INTS3: variants seen among roughly 807,000 people sequenced by gnomAD.
The protein encoded by INTS3 is SOSS complex subunit A.
Under a neutral mutation model 146.3 loss-of-function variants are expected in INTS3, and 34 were observed. The ratio of observed to expected loss-of-function variants is 0.23; its 90% CI spans 0.18 to 0.31. INTS3 has a LOEUF of 0.31. Ranked by LOEUF, INTS3 falls within the 10% of genes least tolerant of loss-of-function variation. The probability of loss-of-function intolerance (pLI) is 1.00; values close to 1 mark genes in which losing one functional copy is unlikely to be tolerated. For synonymous variants in INTS3, 475 were observed against 494.9 expected, an observed-to-expected ratio of 0.96 and a Z score of 0.53; for missense variants, 757 against 1,304.2, an observed-to-expected ratio of 0.58 and a Z score of 6.46.
At chr1:153,751,271 A>C in intron 7 of INTS3, 32 bp downstream of exon 7, 1 of 1,609,988 alleles carries the variant, frequency 6.2e-7, no homozygotes, top group African/African-American at 1.3e-5. Context: ...AATGTGGGGA[A>C]GTGAGACTCA....
At chr1:153,762,977 T>A in intron 15 of INTS3, 130 bp downstream of exon 15, 1 of 1,239,688 alleles carries the variant, frequency 8.1e-7, no homozygotes, top group Non-Finnish European at 1.1e-6. Flanking sequence ...ACAGGGTATC[T>A]GGATGAGACT....
In INTS3 at chr1:153,771,931, C is replaced by A; in HGVS notation, c.2688C>A (p.Ile896=). Residue 896 remains isoleucine (I), a synonymous_variant, in exon 26 of 30, where the codon ATC becomes ATA. Transcript: ENST00000318967. ...LLAEHIKSLL[I]KNNSLPRKRQ... ...CCGAGCACATCAAGTCCCTGCTCAT[C>A]AAGAACAACAGCCTGCCTCGCAAGA... 1 of 1,613,904 alleles carries A rather than the reference C, an allele frequency of 6.2e-7. No homozygotes were observed. Among genetic ancestry groups the A allele is most frequent in the Non-Finnish European group, 8.5e-7 (1 of 1,179,934 alleles).
chr1:153,739,595 A>G (rs1231248588), intron 1 of INTS3, among the ~76,000 whole-genome samples: 2 of 151,952 alleles, frequency 1.3e-5, no homozygotes, highest in African/African-American at 4.8e-5. Context: ...CGGCCTCCCA[A>G]AGTGCTGGGA....
chr1:153,735,516 A>G (rs1671252261), intron 1 of INTS3, among the ~76,000 whole-genome samples: 1 of 152,070 alleles, frequency 6.6e-6, no homozygotes, highest in Non-Finnish European at 1.5e-5. Context: ...TTTCCTCTCC[A>G]TTGATTCAGC....
chr1:153,758,293 C>G (rs1570867330), intron 10 of INTS3, among the ~76,000 whole-genome samples: 2 of 152,216 alleles, frequency 1.3e-5, no homozygotes, highest in East Asian at 3.8e-4. Flanking sequence ...TCCTCCTCCC[C>G]CATTTGACTG....
rs776285492 is a variant in INTS3 at position 153,746,963 on chromosome 1, C to T, written c.325C>T (p.Arg109Trp). The T allele has an allele frequency of 3.1e-6, 5 of 1,610,366 alleles. No individual in the cohort carries two copies. The highest frequency in any genetic ancestry group is 1.1e-5 in the South Asian group (1 of 90,920). ...CAAACTTTACTTCTCACAGTGTTACCGGGACTTAGCTCTGGTGAGTCGTGA... is the reference window on the plus strand; with the variant it reads ...CAAACTTTACTTCTCACAGTGTTACTGGGACTTAGCTCTGGTGAGTCGTGA... ...TEPAQAQKCY[R>W]DLALVSRDGM... Residue 109 changes from arginine (R) to tryptophan (W), a missense_variant, in exon 4 of 30, where the codon CGG (arginine) becomes TGG (tryptophan). By Grantham distance (101) the Arg-to-Trp change is moderately radical. Coordinates refer to ENST00000318967, the MANE Select transcript of INTS3 (RefSeq NM_023015.5).
At chr1:153,762,542 G>T (rs1192455367) in intron 14 of INTS3, among the ~76,000 whole-genome samples, 186 bp from the exon 15 acceptor site, 1 of 152,212 alleles carries the variant, frequency 6.6e-6, no homozygotes, top group African/African-American at 2.4e-5. Flanking sequence ...ACATCCCTCT[G>T]CAGGTCATGG....
rs1491428244 is a variant in INTS3 at position 153,731,577 on chromosome 1, C to CTTTT, written c.150+2794_150+2795insTTTT. 6.0e-4 allele frequency among the ~76,000 whole-genome samples: 78 copies of CTTTT among 129,248 alleles called. 10 individuals are homozygous for CTTTT. The highest frequency in any genetic ancestry group is 7.5e-4 in the South Asian group (3 of 4,024). 84.8% of individuals were successfully genotyped at this position (129,248 alleles called of 152,430 possible). On this transcript the variant is annotated intron_variant, in intron 1 of 29. Coordinates refer to ENST00000318967, the MANE Select transcript of INTS3 (RefSeq NM_023015.5). ...TGAAAGTGGGAGGCCCAAGAGCGTC[C>CTTTT]TCTTTTTTTTTTTTTTTTTTTTTGA... is the stretch of plus-strand genomic sequence containing the variant.
chr1:153,759,808 A>T (rs1672306283), intron 11 of INTS3, 195 bp downstream of exon 11: 1 of 587,358 alleles, frequency 1.7e-6, no homozygotes, highest in Admixed American at 3.1e-5. Flanking sequence ...CCATCACTGT[A>T]CCTCCTCCCC....
intron 21 of INTS3, 25 bp downstream of exon 21, chr1:153,767,852 G>GC (rs1558008660): frequency 6.3e-7 from 1 of 1,577,612 alleles, no homozygotes; most frequent in Admixed American, 1.7e-5. Context: ...CCGTATCTGT[G>GC]CCGGGGGGCT....
intron 20 of INTS3, 58 bp from the exon 21 acceptor site, chr1:153,767,616 A>G: frequency 6.7e-7 from 1 of 1,491,546 alleles, no homozygotes; most frequent in Non-Finnish European, 9.0e-7. Flanking sequence ...TGCTTCGGGG[A>G]TGCTTGAAGG....
intron 13 of INTS3, chr1:153,761,327 A>G (rs1047110041): frequency 2.0e-5 from 10 of 495,222 alleles, no homozygotes; most frequent in Admixed American, 3.7e-5. Context: ...CCTGGCCAAC[A>G]TGGCAAAACC....
At position 153,748,853 on chromosome 1, in the gene INTS3, C is replaced by T. The variant is rs546129934; in HGVS notation, c.584+98C>T. On this transcript the variant is annotated intron_variant, in intron 6 of 29. Transcript: ENST00000318967. ...ATGAAAGGATTGTGTGGCCCAAGAA[C>T]ACCTTAAGTTAGAGAGGGGGAGGCA... The T allele has an allele frequency of 6.1e-6, 6 of 981,506 alleles. No individual in the cohort carries two copies. The South Asian group carries it at 7.7e-5, about 13-fold the overall frequency. The allele number at this position is 981,506 out of a possible 1,614,324, so 60.8% of individuals were successfully genotyped here. A position where few individuals can be genotyped will look rare whatever the true frequency, so the allele number is the denominator to read the frequency against.
At chr1:153,746,180 T>C (rs1192475036) in intron 3 of INTS3, among the ~76,000 whole-genome samples, 2 of 152,262 alleles carry the variant, frequency 1.3e-5, no homozygotes, top group Non-Finnish European at 2.9e-5. Context: ...TGTATCTGAC[T>C]GGGTCAGTAC....
chr1:153,760,983 A>T (rs2101817264), intron 13 of INTS3, 65 bp downstream of exon 13: 1 of 1,584,098 alleles, frequency 6.3e-7, no homozygotes, highest in African/African-American at 1.3e-5. Flanking sequence ...GTGTATCCAA[A>T]TGTTGCCATA....
chr1:153,770,061 GT>G (rs869302726), intron 23 of INTS3, 136 bp from the exon 24 acceptor site: 829 of 15,436 alleles, frequency 0.054, 4 homozygotes, highest in East Asian at 0.22. Context: ...GGATTGGGGT[GT>G]GTGTGTGTGT....
At chr1:153,769,952 G>T in intron 23 of INTS3, 108 bp downstream of exon 23, 1 of 856,088 alleles carries the variant, frequency 1.2e-6, no homozygotes. Context: ...GGAAGTTAAG[G>T]GGAGAGAATT....
At position 153,772,928 on chromosome 1, in the gene INTS3, C is replaced by T. The variant is rs1442010766; in HGVS notation, c.2898C>T (p.Phe966=). ...ASCDEAHKMK[F]SDLFSLAEEY... is the part of the protein sequence containing the mutation. ...AGCTACCGCTCCTTTTCCTTAGATT[C>T]AGTGATCTCTTCTCCCTGGCGGAGG... is the stretch of plus-strand genomic sequence containing the variant. The change falls in exon 29 of 30, where the codon TTC becomes TTT. Residue 966 remains phenylalanine, a synonymous_variant. Coordinates refer to ENST00000318967, the MANE Select transcript of INTS3 (RefSeq NM_023015.5). This position sits in a 1 kb window ranked among gnomAD's most constrained non-coding sequence, Gnocchi z 4.6. The T allele has an allele frequency of 6.2e-7, 1 of 1,614,030 alleles. No homozygotes were observed. Among genetic ancestry groups the T allele is most frequent in the Non-Finnish European group, 8.5e-7 (1 of 1,180,042 alleles).
At chr1:153,732,446 G>A (rs1286115488) in intron 1 of INTS3, among the ~76,000 whole-genome samples, 2 of 150,558 alleles carry the variant, frequency 1.3e-5, no homozygotes, top group East Asian at 3.9e-4. Flanking sequence ...AGTCCTTGGG[G>A]ATTTTTTTTT....
Sources: gnomAD v4.1 joint callset for allele counts (sites outside exome capture counted in the v4.1 genomes callset) on GRCh38, gnomAD v4.1.1 for gene constraint, Gnocchi (gnomAD v3.1) non-coding constraint, MANE v1.5 for transcripts, NCBI Gene and HGNC (gene_info 2026-07-23, HGNC 2026-07-21) for gene names.